Variants in SPATS2L observed in about 807,000 individuals in gnomAD.
SPATS2L encodes spermatogenesis associated serine rich 2 like, also known as SPATS2-like protein.
In SPATS2L, 30 loss-of-function variants were observed where a neutral mutation model predicts 59.6. The observed-to-expected ratio is 0.50, with a 90% CI of 0.38 to 0.68. The LOEUF is 0.68. Ranked by LOEUF, SPATS2L falls within the 30% of genes least tolerant of loss-of-function variation. The probability of loss-of-function intolerance (pLI) is 0.00; values close to 1 mark genes in which losing one functional copy is unlikely to be tolerated. For missense variants in SPATS2L, 615 were observed against 700.0 expected, an observed-to-expected ratio of 0.88 and a Z score of 1.37; for synonymous variants, 252 against 263.5, an observed-to-expected ratio of 0.96 and a Z score of 0.42.
chr2:200,385,628 C>T (rs944306335), intron 2 of SPATS2L, among the ~76,000 whole-genome samples: 1 of 152,080 alleles, frequency 6.6e-6, no homozygotes, highest in African/African-American at 2.4e-5. Flanking sequence ...CTCACCTGTC[C>T]CACAGTTTCC....
Position 200,477,664 on chromosome 2 carries a change from T to A in SPATS2L, c.1310T>A (p.Phe437Tyr). 6.4e-7 allele frequency: 1 copy of A among 1,556,874 alleles called. No individual in the cohort carries two copies. Among genetic ancestry groups the A allele is most frequent in the Non-Finnish European group, 8.7e-7 (1 of 1,151,498 alleles). Residue 437 changes from phenylalanine to tyrosine, a missense_variant, in exon 13 of 13, where the codon TTT (phenylalanine) becomes TAT (tyrosine). Around this residue, in one of 3 missense-constraint regions of SPATS2L, gnomAD observed 284 missense variants for 280.1 expected, o/e 1.01. Transcript: ENST00000409140. The stretch of plus-strand genomic sequence containing the variant: ...GGATCTTCTAACCAAAGACGGAGAT[T>A]TAATCCACAGTATCATAACAACAGG... Reference protein sequence around the residue: ...QNGSSNQRRRFNPQYHNNRLN... With the variant: ...QNGSSNQRRRYNPQYHNNRLN...
intron 5 of SPATS2L, 66 bp downstream of exon 5, chr2:200,416,494 T>A: frequency 1.1e-6 from 1 of 947,222 alleles, no homozygotes; most frequent in Non-Finnish European, 1.5e-6. Flanking sequence ...TGTTATCATT[T>A]TAACAAGGCT....
intron 2 of SPATS2L, among the ~76,000 whole-genome samples, chr2:200,339,125 C>T (rs2080238581): frequency 6.6e-6 from 1 of 152,202 alleles, no homozygotes; most frequent in Admixed American, 6.5e-5. Flanking sequence ...CTAATGTGAA[C>T]TGTTGACTCG....
intron 8 of SPATS2L, among the ~76,000 whole-genome samples, chr2:200,453,496 A>G (rs1289749044): frequency 6.6e-6 from 1 of 152,246 alleles, no homozygotes; most frequent in Admixed American, 6.5e-5. Flanking sequence ...GAGTTGGACC[A>G]GAAATGGTAC....
intron 10 of SPATS2L, among the ~76,000 whole-genome samples, chr2:200,468,819 T>G (rs776661344): frequency 9.9e-5 from 15 of 152,156 alleles, no homozygotes; most frequent in Non-Finnish European, 1.8e-4. Context: ...AACTTCCATC[T>G]CTCTCTACAA....
At chr2:200,383,691 C>T (rs2081900257) in intron 2 of SPATS2L, among the ~76,000 whole-genome samples, 1 of 152,242 alleles carries the variant, frequency 6.6e-6, no homozygotes, top group South Asian at 2.1e-4. Context: ...CATTTACCCA[C>T]TCCAGCTTAC....
intron 4 of SPATS2L, among the ~76,000 whole-genome samples, 186 bp downstream of exon 4, chr2:200,412,605 CAAA>C (rs11324274): frequency 1.4e-4 from 18 of 126,260 alleles, no homozygotes; most frequent in South Asian, 2.7e-4. Flanking sequence ...GACCCCATCT[CAAA>C]AAAAAAAAAA....
chr2:200,394,147 T>G (rs985235691), intron 3 of SPATS2L, among the ~76,000 whole-genome samples: 4 of 152,224 alleles, frequency 2.6e-5, no homozygotes, highest in Non-Finnish European at 5.9e-5. Context: ...GGATTTAAAT[T>G]GAAAATATGG....
At chr2:200,391,943 G>A (rs1254661407) in intron 3 of SPATS2L, among the ~76,000 whole-genome samples, 3 of 152,058 alleles carry the variant, frequency 2.0e-5, no homozygotes, top group Non-Finnish European at 4.4e-5. Flanking sequence ...CAATTTCCTT[G>A]GGGTATTATT....
chr2:200,400,565 A>T (rs1559099386), intron 3 of SPATS2L, among the ~76,000 whole-genome samples: 1 of 152,220 alleles, frequency 6.6e-6, no homozygotes, highest in Non-Finnish European at 1.5e-5. Context: ...TAAAAAGTTG[A>T]TCATGGACTA....
intron 6 of SPATS2L, among the ~76,000 whole-genome samples, chr2:200,428,049 G>C (rs2083681298): frequency 8.9e-6 from 1 of 112,124 alleles, no homozygotes; most frequent in African/African-American, 3.6e-5. Flanking sequence ...CAGCCTGGGT[G>C]ACAGCGAGAC....
intron 8 of SPATS2L, 137 bp downstream of exon 8, chr2:200,440,921 T>G (rs1574555076): frequency 1.2e-6 from 1 of 828,674 alleles, no homozygotes; most frequent in East Asian, 2.6e-5. Context: ...TGTTAAGCCC[T>G]GCAGGCAGTA....
rs1446977347 is a variant in SPATS2L at position 200,473,033 on chromosome 2, C to A, written c.1262C>A (p.Thr421Asn). Residue 421 changes from threonine (T) to asparagine (N), a missense_variant, in exon 12 of 13, where the codon ACC becomes AAC. Transcript: ENST00000409140. ...LPSTADPSHQ[T>N]MPANKQNGSS... ...AGCACCGCCGACCCCTCTCACCAGA[C>A]CATGCCGGCCAACAAGCAGGTAAGC... 6.2e-7 allele frequency: 1 copy of A among 1,613,294 alleles called. No homozygotes were observed. Among genetic ancestry groups the A allele is most frequent in the Admixed American group, 1.7e-5 (1 of 59,956 alleles).
intron 6 of SPATS2L, among the ~76,000 whole-genome samples, chr2:200,426,082 CTTTTTTTTTT>C (rs769997762): frequency 3.2e-5 from 2 of 62,326 alleles, no homozygotes; most frequent in East Asian, 5.0e-4. Flanking sequence ...TAGGTTTTTA[CTTTTTTTTTT>C]TTTTTTTTTT....
At chr2:200,400,042 A>C (rs1220516618) in intron 3 of SPATS2L, among the ~76,000 whole-genome samples, 1 of 152,226 alleles carries the variant, frequency 6.6e-6, no homozygotes, top group Non-Finnish European at 1.5e-5. Context: ...TGCAAAGAAA[A>C]TGAGAAGAAA....
At chr2:200,424,307 C>T (rs773400926) in intron 6 of SPATS2L, among the ~76,000 whole-genome samples, 35 of 147,558 alleles carry the variant, frequency 2.4e-4, no homozygotes, top group Admixed American at 1.2e-3. Context: ...GGCAACATAG[C>T]GAGCTCTTAT....
At chr2:200,325,471 C>T (rs921747090) in intron 1 of SPATS2L, among the ~76,000 whole-genome samples, 1 of 152,120 alleles carries the variant, frequency 6.6e-6, no homozygotes, top group African/African-American at 2.4e-5. Flanking sequence ...CTCTGCCTCC[C>T]GGGTTCAAGT....
chr2:200,453,677 A>G (rs1239868833), intron 8 of SPATS2L, among the ~76,000 whole-genome samples: 1 of 152,228 alleles, frequency 6.6e-6, no homozygotes, highest in Non-Finnish European at 1.5e-5. Flanking sequence ...CTACTAGGCT[A>G]TCAGCCCAGC....
chr2:200,394,358 C>T (rs1574377734), intron 3 of SPATS2L, among the ~76,000 whole-genome samples: 2 of 152,172 alleles, frequency 1.3e-5, no homozygotes, highest in African/African-American at 2.4e-5. Flanking sequence ...TCTCTTCTTT[C>T]TCCTACCCTG....
Sources: gnomAD v4.1 joint callset for allele counts (sites outside exome capture counted in the v4.1 genomes callset) on GRCh38, gnomAD v4.1.1 for gene constraint, gnomAD v4.1.1 regional missense constraint, MANE v1.5 for transcripts, NCBI Gene and HGNC (gene_info 2026-07-23, HGNC 2026-07-21) for gene names.